Variants in GAS7 observed in about 807,000 individuals in gnomAD.
GAS7 encodes growth arrest-specific protein 7.
In GAS7, 28 loss-of-function variants were observed where a neutral mutation model predicts 71.1. The observed-to-expected ratio is 0.39, with a 90% CI of 0.29 to 0.54. GAS7 has a LOEUF of 0.54. Ranked by LOEUF, GAS7 falls within the 20% of genes least tolerant of loss-of-function variation. The probability of loss-of-function intolerance (pLI) is 0.62; values close to 1 mark genes in which losing one functional copy is unlikely to be tolerated. For synonymous variants in GAS7, 258 were observed against 245.8 expected, an observed-to-expected ratio of 1.05 and a Z score of -0.46; for missense variants, 436 against 627.8, an observed-to-expected ratio of 0.69 and a Z score of 3.27.
chr17:9,919,698 G>C lies in GAS7; in HGVS notation c.1146C>G (p.Asp382Glu), dbSNP rs1449151046. 3 of 1,612,526 alleles carry C rather than the reference G, an allele frequency of 1.9e-6. No homozygotes were observed. The Admixed American group carries it at 5.0e-5, about 27-fold the overall frequency. ...TGTAGAGATCCACACAGCGCATGAGGTCGTCTCCTGGAAAAAGACCACAGT... is the reference window on the plus strand; with the variant it reads ...TGTAGAGATCCACACAGCGCATGAGCTCGTCTCCTGGAAAAAGACCACAGT... ...ARRKSTQAGD[D>E]LMRCVDLYNQ... The change falls in exon 12 of 14, where the codon GAC becomes GAG. Residue 382 changes from aspartate (D) to glutamate (E), a missense_variant. Physicochemically the swap from Asp to Glu is conservative, Grantham distance 45. Coordinates refer to ENST00000432992, the MANE Select transcript of GAS7 (RefSeq NM_201433.2). This position sits in a 1 kb window ranked among gnomAD's most constrained non-coding sequence, Gnocchi z 5.0.
intron 2 of GAS7, among the ~76,000 whole-genome samples, chr17:9,995,021 G>A (rs561137971): frequency 6.6e-6 from 1 of 152,342 alleles, no homozygotes; most frequent in East Asian, 1.9e-4. Context: ...TGGCCTAACA[G>A]TCCAGTCCCT....
intron 1 of GAS7, among the ~76,000 whole-genome samples, chr17:10,113,482 G>A (rs887539447): frequency 7.2e-5 from 11 of 152,252 alleles, no homozygotes; most frequent in African/African-American, 2.6e-4. Context: ...TAAACAGGAG[G>A]AGGAAGCTCT....
At chr17:9,958,112 T>A (rs1461629023) in intron 5 of GAS7, among the ~76,000 whole-genome samples, 2 of 151,904 alleles carry the variant, frequency 1.3e-5, no homozygotes, top group African/African-American at 4.8e-5. Context: ...ACCCCCCATT[T>A]CCCCACTTGA....
At chr17:10,151,106 T>G (rs2074162603) in intron 1 of GAS7, among the ~76,000 whole-genome samples, 1 of 152,246 alleles carries the variant, frequency 6.6e-6, no homozygotes, top group South Asian at 2.1e-4. Flanking sequence ...TGAGGCTGGT[T>G]CTGAGGTTCC....
intron 4 of GAS7, among the ~76,000 whole-genome samples, chr17:9,963,968 G>A (rs2069604426): frequency 1.3e-5 from 2 of 152,070 alleles, no homozygotes; most frequent in South Asian, 4.2e-4. Flanking sequence ...GGGGATGGGA[G>A]CACAAATAAA....
chr17:10,045,390 C>T lies in GAS7; in HGVS notation c.184-25493G>A, dbSNP rs1434975865. Among the ~76,000 whole-genome samples the T allele has an allele frequency of 3.9e-5, 6 of 152,088 alleles. No individual in the cohort carries two copies. The East Asian group carries it at 1.2e-3, about 29-fold the overall frequency. The stretch of plus-strand genomic sequence containing the variant: ...ACCCTTATAAAATTTCTATGTGTCC[C>T]ACCCCATAAAAGATTCCTAGTATTG... On this transcript the variant is annotated intron_variant, in intron 1 of 13. Coordinates refer to ENST00000432992, the MANE Select transcript of GAS7 (RefSeq NM_201433.2).
intron 1 of GAS7, among the ~76,000 whole-genome samples, chr17:10,164,473 G>T (rs1351813637): frequency 6.6e-6 from 1 of 150,930 alleles, no homozygotes; most frequent in Middle Eastern, 3.2e-3. Flanking sequence ...GGCCATGACT[G>T]GACTTTCTCT....
chr17:10,071,807 C>T (rs974797115), intron 1 of GAS7, among the ~76,000 whole-genome samples: 8 of 151,520 alleles, frequency 5.3e-5, no homozygotes, highest in African/African-American at 1.5e-4. Flanking sequence ...CATGGTGGCA[C>T]GTGCCTGGAA....
chr17:10,015,174 G>C (rs541192936), intron 2 of GAS7, among the ~76,000 whole-genome samples: 11 of 151,808 alleles, frequency 7.2e-5, no homozygotes, highest in African/African-American at 2.7e-4. Context: ...GAAAAGAAAA[G>C]AAAAGAAGCA....
In GAS7 at chr17:9,926,625, G is replaced by A. The variant is rs376166017; in HGVS notation, c.1014+16C>T. On this transcript the variant is annotated intron_variant, in intron 10 of 13. Coordinates refer to ENST00000432992, the MANE Select transcript of GAS7 (RefSeq NM_201433.2). This position sits in a 1 kb window ranked among gnomAD's most constrained non-coding sequence, Gnocchi z 5.0. ...CCCCATGCACCTGCCCTGGCCCAGC[G>A]TCCTGGGCCTCTCACCTTCTCCACC... 13 of 1,611,728 alleles carry A rather than the reference G, an allele frequency of 8.1e-6. No individual in the cohort carries two copies. Among genetic ancestry groups the A allele is most frequent in the Admixed American group, 3.3e-5 (2 of 60,006 alleles).
Position 9,958,919 on chromosome 17 carries a change from G to A in GAS7, c.525+283C>T, listed in dbSNP as rs753754872. The A allele has an allele frequency of 2.3e-5, 30 of 1,317,568 alleles. No individual in the cohort carries two copies. The Admixed American group carries it at 2.3e-4, about 10-fold the overall frequency. 81.6% of individuals were successfully genotyped at this position (1,317,568 alleles called of 1,614,324 possible). ...CACCCCCTTCAACCCACTCCCGCAC[G>A]CATACCTTCCCCTCCTGCCCTGAAA... On this transcript the variant is annotated intron_variant, in intron 5 of 13. Coordinates refer to ENST00000432992, the MANE Select transcript of GAS7 (RefSeq NM_201433.2).
At chr17:10,053,798 T>TC (rs945180239) in intron 1 of GAS7, among the ~76,000 whole-genome samples, 15 of 152,162 alleles carry the variant, frequency 9.9e-5, no homozygotes, top group African/African-American at 3.1e-4. Context: ...CTCACCTCTC[T>TC]CCCCCATGGG....
intron 2 of GAS7, among the ~76,000 whole-genome samples, chr17:10,018,860 G>A (rs1229092974): frequency 1.3e-5 from 2 of 152,186 alleles, no homozygotes; most frequent in Non-Finnish European, 2.9e-5. Flanking sequence ...ACTTGGGTAC[G>A]ATTTTCATCT....
chr17:9,929,787 C>T (rs1395940486), intron 9 of GAS7, among the ~76,000 whole-genome samples: 1 of 151,560 alleles, frequency 6.6e-6, no homozygotes, highest in East Asian at 1.9e-4. Context: ...ATATTAAGTA[C>T]TTTTAAAAGA....
chr17:10,078,254 G>C (rs1261508138), intron 1 of GAS7, among the ~76,000 whole-genome samples: 2 of 152,054 alleles, frequency 1.3e-5, no homozygotes, highest in Non-Finnish European at 2.9e-5. Flanking sequence ...ACCATGCCTG[G>C]CTAATTTTTG....
At chr17:9,928,775 A>G (rs2152076908) in intron 9 of GAS7, among the ~76,000 whole-genome samples, 1 of 152,342 alleles carries the variant, frequency 6.6e-6, no homozygotes, top group African/African-American at 2.4e-5. Flanking sequence ...CAGGGGCCCC[A>G]TCTGGGTTGA....
At position 9,917,336 on chromosome 17, in the gene GAS7, G is replaced by A. The variant is rs897704522; in HGVS notation, c.1323C>T (p.Val441=). ...TTCGAAGCAGCTGATCCACGGGCTC[G>A]ACTGTCTGCAAGAGACAGAGAAAAT... ...HETDMFNQST[V]EPVDQLLRKV... Residue 441 remains valine, a synonymous_variant, in exon 14 of 14, where the codon GTC becomes GTT. Transcript: ENST00000432992. The A allele has an allele frequency of 8.7e-6, 14 of 1,610,496 alleles. No homozygotes were observed. The highest frequency in any genetic ancestry group is 4.5e-5 in the East Asian group (2 of 44,872).
intron 1 of GAS7, among the ~76,000 whole-genome samples, chr17:10,059,244 G>C (rs192110312): frequency 2.3e-3 from 352 of 152,260 alleles, no homozygotes; most frequent in Non-Finnish European, 3.9e-3. Context: ...GCCTTTTCAG[G>C]CTTCTCCTGA....
intron 1 of GAS7, among the ~76,000 whole-genome samples, chr17:10,089,217 C>A (rs561852710): frequency 6.6e-6 from 1 of 152,106 alleles, no homozygotes; most frequent in South Asian, 2.1e-4. Context: ...AGTTCCCATG[C>A]ACTGTCTTCC....
Sources: allele counts gnomAD v4.1 joint callset (sites outside exome capture counted in the v4.1 genomes callset), GRCh38; gene constraint gnomAD v4.1.1; non-coding constraint Gnocchi (gnomAD v3.1); transcripts MANE v1.5; gene names NCBI Gene and HGNC (gene_info 2026-07-23, HGNC 2026-07-21).